The following ITPR2 variants were observed in gnomAD, a reference collection of about 807,000 sequenced individuals.
ITPR2 encodes inositol 1,4,5-trisphosphate receptor type 2.
Under a neutral mutation model 317.1 loss-of-function variants are expected in ITPR2, and 207 were observed. That is an observed-to-expected ratio of 0.65 (90% CI 0.58 to 0.73). ITPR2 has a LOEUF of 0.73. ITPR2 is among the 30% of genes least tolerant of loss of function. The pLI is 0.00. For synonymous variants in ITPR2, 1,156 were observed against 1,149.1 expected, an observed-to-expected ratio of 1.01 and a Z score of -0.12; for missense variants, 2,613 against 3,284.0, an observed-to-expected ratio of 0.80 and a Z score of 4.99.
intron 46 of ITPR2, among the ~76,000 whole-genome samples, chr12:26,442,055 A>C (rs539235431): frequency 6.6e-6 from 1 of 151,970 alleles, no homozygotes; most frequent in African/African-American, 2.4e-5. Context: ...TATCTGTTCT[A>C]TGTGTTTTCT....
chr12:26,363,334 C>T (rs1296711406), intron 55 of ITPR2, among the ~76,000 whole-genome samples: 1 of 152,196 alleles, frequency 6.6e-6, no homozygotes, highest in Non-Finnish European at 1.5e-5. Flanking sequence ...ATGGCTCCCA[C>T]TGATTGTACA....
intron 13 of ITPR2, among the ~76,000 whole-genome samples, chr12:26,669,972 G>A (rs1947718897): frequency 6.6e-6 from 1 of 152,242 alleles, no homozygotes; most frequent in Non-Finnish European, 1.5e-5. Flanking sequence ...AGATCAAACT[G>A]CAAGGCGGCA....
At chr12:26,398,046 G>C (rs1418766032) in intron 54 of ITPR2, among the ~76,000 whole-genome samples, 1 of 149,878 alleles carries the variant, frequency 6.7e-6, no homozygotes, top group East Asian at 1.9e-4. Flanking sequence ...ACAGGAGAAG[G>C]GGAGGGGAGT....
At chr12:26,459,990 G>C (rs1591803304) in intron 45 of ITPR2, among the ~76,000 whole-genome samples, 1 of 152,240 alleles carries the variant, frequency 6.6e-6, no homozygotes, top group East Asian at 1.9e-4. Flanking sequence ...CTGCCAACTA[G>C]CCAACTCTAT....
chr12:26,486,089 A>G lies in ITPR2; in HGVS notation c.5811+15T>C. 6.2e-7 allele frequency: 1 copy of G among 1,613,756 alleles called. No individual in the cohort carries two copies. The highest frequency in any genetic ancestry group is 1.7e-5 in the Admixed American group (1 of 60,022). ...AGGTTGTATTCTCAGCTTTCACACA[A>G]AACAGAACAAATACCTGCAATTCCC... On this transcript the variant is annotated intron_variant, in intron 41 of 56. Transcript: ENST00000381340.
At chr12:26,785,535 G>A (rs1312621921) in intron 2 of ITPR2, among the ~76,000 whole-genome samples, 1 of 47,480 alleles carries the variant, frequency 2.1e-5, no homozygotes, top group African/African-American at 5.9e-5. Flanking sequence ...CCGGCCAGCC[G>A]CCCCGTCCAG....
chr12:26,547,995 C>T (rs1944430137), intron 37 of ITPR2, among the ~76,000 whole-genome samples: 1 of 152,188 alleles, frequency 6.6e-6, no homozygotes, highest in Non-Finnish European at 1.5e-5. Context: ...CCAATTTAAA[C>T]TTTGGTTCTA....
intron 55 of ITPR2, among the ~76,000 whole-genome samples, chr12:26,364,268 T>C (rs1486603233): frequency 6.6e-6 from 1 of 152,238 alleles, no homozygotes; most frequent in Non-Finnish European, 1.5e-5. Flanking sequence ...GACTATATTA[T>C]TTATCAATCG....
chr12:26,708,219 C>T (rs1948590782), intron 9 of ITPR2, among the ~76,000 whole-genome samples: 1 of 152,124 alleles, frequency 6.6e-6, no homozygotes, highest in Non-Finnish European at 1.5e-5. Flanking sequence ...ATAGAGCTAC[C>T]ATATGATCCG....
In ITPR2 at chr12:26,459,196, T is replaced by C. The variant is rs1214265420; in HGVS notation, c.6343-15546A>G. On this transcript the variant is annotated intron_variant, in intron 45 of 56. Coordinates refer to ENST00000381340, the MANE Select transcript of ITPR2 (RefSeq NM_002223.4). ...TACACACACTTCTGCTGAAGAGCAA[T>C]TGCATATATTTAGGGAACAAATAAC... Among the ~76,000 whole-genome samples the C allele has an allele frequency of 2.0e-5, 3 of 152,180 alleles. No individual in the cohort carries two copies. In the East Asian group the frequency reaches 5.8e-4, roughly 29 times the overall value.
intron 13 of ITPR2, among the ~76,000 whole-genome samples, chr12:26,673,255 A>G (rs1947830779): frequency 1.3e-5 from 2 of 152,150 alleles, no homozygotes; most frequent in South Asian, 4.1e-4. Flanking sequence ...AGAGAATTTT[A>G]GACCAATATC....
intron 2 of ITPR2, among the ~76,000 whole-genome samples, chr12:26,734,842 T>C (rs1949089375): frequency 6.6e-6 from 1 of 152,158 alleles, no homozygotes; most frequent in African/African-American, 2.4e-5. Flanking sequence ...TGGAGTCTTA[T>C]TCATCATTAT....
At chr12:26,376,698 T>C (rs1939355988) in intron 55 of ITPR2, among the ~76,000 whole-genome samples, 1 of 150,892 alleles carries the variant, frequency 6.6e-6, no homozygotes, top group South Asian at 2.1e-4. Context: ...AATTCTTTCT[T>C]TTTTTTTCTT....
intron 55 of ITPR2, among the ~76,000 whole-genome samples, chr12:26,346,875 T>C (rs772634468): frequency 6.6e-6 from 1 of 152,164 alleles, no homozygotes; most frequent in East Asian, 1.9e-4. Flanking sequence ...CTGTGTCTCT[T>C]CCAGCTCGTC....
At chr12:26,340,351 G>C in intron 55 of ITPR2, 23 bp from the exon 56 acceptor site, 1 of 1,572,318 alleles carries the variant, frequency 6.4e-7, no homozygotes, top group South Asian at 1.2e-5. Context: ...AAATGTGTGC[G>C]AACAAGGGAA....
intron 45 of ITPR2, among the ~76,000 whole-genome samples, chr12:26,461,621 CATATAAATATATATATATATATAT>C (rs1166121228): frequency 0.031 from 3,659 of 119,428 alleles, 195 homozygotes; most frequent in African/African-American, 0.14. Flanking sequence ...AAAAGAAAAG[CATATAAATATATATATATATATAT>C]ATATATATAT....
Position 26,337,816 on chromosome 12 carries a change from C to T in ITPR2, c.*1581G>A, listed in dbSNP as rs1156751939. The T allele has an allele frequency of 3.9e-5, 6 of 152,212 alleles. No individual in the cohort carries two copies. The East Asian group carries it at 1.2e-3, about 29-fold the overall frequency. The allele number at this position is 152,212 out of a possible 1,614,324, so 9.4% of individuals were successfully genotyped here. A position where few individuals can be genotyped will look rare whatever the true frequency, so the allele number is the denominator to read the frequency against. ...AGCTTCAGTTCAAAAATTCATTGCTCTGGGTCCCAACAGCTTTGTTCCAAG... is the reference window on the plus strand; with the variant it reads ...AGCTTCAGTTCAAAAATTCATTGCTTTGGGTCCCAACAGCTTTGTTCCAAG... On this transcript the variant is annotated 3_prime_UTR_variant, in exon 57 of 57. Coordinates refer to ENST00000381340, the MANE Select transcript of ITPR2 (RefSeq NM_002223.4).
In ITPR2 at chr12:26,826,453, G is replaced by A. The variant is rs564368105; in HGVS notation, c.92+6237C>T. 2.6e-5 allele frequency among the ~76,000 whole-genome samples: 4 copies of A among 152,232 alleles called. No individual in the cohort carries two copies. The South Asian group carries it at 8.3e-4, about 32-fold the overall frequency. ...GAATTAAGTCAGAATTATAAACTGTGTGACCCCCTCCCTATCACCCTACCA... is the reference window on the plus strand; with the variant it reads ...GAATTAAGTCAGAATTATAAACTGTATGACCCCCTCCCTATCACCCTACCA... On this transcript the variant is annotated intron_variant, in intron 1 of 56. Coordinates refer to ENST00000381340, the MANE Select transcript of ITPR2 (RefSeq NM_002223.4).
intron 55 of ITPR2, among the ~76,000 whole-genome samples, chr12:26,358,493 T>C (rs1028118931): frequency 5.9e-5 from 9 of 151,998 alleles, no homozygotes; most frequent in Non-Finnish European, 1.0e-4. Context: ...TGATCTTACA[T>C]ACATTCTCTC....
Sources: gnomAD v4.1 joint callset for allele counts (sites outside exome capture counted in the v4.1 genomes callset) on GRCh38, gnomAD v4.1.1 for gene constraint, MANE v1.5 for transcripts, NCBI Gene and HGNC (gene_info 2026-07-23, HGNC 2026-07-21) for gene names.